FOLH1: variants seen among roughly 807,000 people sequenced by gnomAD.
FOLH1 encodes the protein folate hydrolase 1, also known as glutamate carboxypeptidase 2.
A neutral mutation model predicts 93.9 loss-of-function variants in FOLH1; 54 were observed. The ratio of observed to expected loss-of-function variants is 0.57; its 90% CI spans 0.46 to 0.72. FOLH1 has a LOEUF of 0.72. Among genes scored for constraint, FOLH1 ranks in the 30% least tolerant of loss-of-function variants. FOLH1 has a pLI of 0.00. For synonymous variants in FOLH1, 249 were observed against 303.6 expected, an observed-to-expected ratio of 0.82 and a Z score of 1.87; for missense variants, 571 against 892.5, an observed-to-expected ratio of 0.64 and a Z score of 4.59.
At chr11:49,157,874 A>C in intron 14 of FOLH1, 78 bp downstream of exon 14, 1 of 1,341,554 alleles carries the variant, frequency 7.5e-7, no homozygotes, top group African/African-American at 1.5e-5. Context: ...TTTTCACTTA[A>C]TGATTGAAAG....
intron 4 of FOLH1, 82 bp downstream of exon 4, chr11:49,192,711 T>C (rs1862206116): frequency 8.3e-7 from 1 of 1,200,796 alleles, no homozygotes; most frequent in Non-Finnish European, 1.2e-6. Flanking sequence ...AGTCCCTTTA[T>C]GACCCTTTAA....
intron 13 of FOLH1, among the ~76,000 whole-genome samples, chr11:49,163,972 C>T (rs10839234): frequency 0.49 from 74,593 of 151,894 alleles, 20,767 homozygotes; most frequent in Admixed American, 0.62. Flanking sequence ...GGTGGGCCAT[C>T]GTCCTGCCTT....
intron 6 of FOLH1, among the ~76,000 whole-genome samples, chr11:49,184,688 G>A (rs1474038520): frequency 6.6e-6 from 1 of 152,154 alleles, no homozygotes; most frequent in African/African-American, 2.4e-5. Context: ...CAATTTAAGA[G>A]TAAAACCAGA....
At chr11:49,176,900 C>T (rs566611472) in intron 7 of FOLH1, among the ~76,000 whole-genome samples, 1 of 152,136 alleles carries the variant, frequency 6.6e-6, no homozygotes, top group African/African-American at 2.4e-5. Flanking sequence ...TGATATTATA[C>T]TGAGATGTTT....
intron 13 of FOLH1, among the ~76,000 whole-genome samples, chr11:49,160,267 A>C (rs1297393153): frequency 6.6e-6 from 1 of 151,914 alleles, no homozygotes; most frequent in South Asian, 2.1e-4. Context: ...ATTTTTTTCA[A>C]AAAATCAGCT....
At position 49,173,575 on chromosome 11, in the gene FOLH1, C is replaced by A. The variant is rs577541538; in HGVS notation, c.1106-99G>T. On this transcript the variant is annotated intron_variant, in intron 9 of 18. Transcript: ENST00000256999. ...ATCTAAATACAAAGCACTCACGCCT[C>A]AGAAAAAAAAAAAAGGCTAGGTTCC... The A allele has an allele frequency of 4.5e-4, 297 of 657,404 alleles. 3 individuals carry two copies. The highest frequency in any genetic ancestry group is 1.5e-3 in the Admixed American group (24 of 16,192). The allele number at this position is 657,404 out of a possible 1,614,324, so 40.7% of individuals were successfully genotyped here.
At position 49,208,350 on chromosome 11, in the gene FOLH1, C is replaced by A. The variant is rs1329094176; in HGVS notation, c.60G>T (p.Trp20Cys). Reference sequence around the variant, plus strand: ...CCAGCACCAGCGCCCCAGCGCACAGCCAGCGCGGGCGGCGCGCGGTGGCCA... The same window carrying A: ...CCAGCACCAGCGCCCCAGCGCACAGACAGCGCGGGCGGCGCGCGGTGGCCA... ...SAVATARRPR[W>C]LCAGALVLAG... Residue 20 changes from tryptophan (W) to cysteine (C), a missense_variant, in exon 1 of 19, where the codon TGG becomes TGT. Transcript: ENST00000256999. 1 of 1,600,784 alleles carries A rather than the reference C, an allele frequency of 6.2e-7. No individual in the cohort carries two copies. The highest frequency in any genetic ancestry group is 8.5e-7 in the Non-Finnish European group (1 of 1,172,618).
At chr11:49,185,132 T>C (rs1590620554) in intron 6 of FOLH1, among the ~76,000 whole-genome samples, 1 of 152,198 alleles carries the variant, frequency 6.6e-6, no homozygotes, top group South Asian at 2.1e-4. Flanking sequence ...ATATCCTAAA[T>C]TGGCCATTTA....
chr11:49,165,287 G>A (rs962796639), intron 12 of FOLH1, among the ~76,000 whole-genome samples: 6 of 152,108 alleles, frequency 3.9e-5, no homozygotes, highest in African/African-American at 1.4e-4. Flanking sequence ...TAGACGATAA[G>A]TCCCCTGGGA....
At chr11:49,178,634 C>A (rs1228453109) in intron 7 of FOLH1, among the ~76,000 whole-genome samples, 7 of 152,040 alleles carry the variant, frequency 4.6e-5, no homozygotes, top group African/African-American at 1.4e-4. Flanking sequence ...TCTTTAGGTT[C>A]TCTTTAGAAA....
At chr11:49,167,124 C>A (rs535219491) in intron 12 of FOLH1, among the ~76,000 whole-genome samples, 42 of 152,078 alleles carry the variant, frequency 2.8e-4, no homozygotes, top group Non-Finnish European at 4.6e-4. Flanking sequence ...AGTATTTATT[C>A]TGGGTGGGCA....
chr11:49,191,994 G>A (rs1862106482), intron 4 of FOLH1, among the ~76,000 whole-genome samples: 1 of 152,126 alleles, frequency 6.6e-6, no homozygotes, highest in African/African-American at 2.4e-5. Context: ...TCTTTTCACT[G>A]CTCAATACAT....
At chr11:49,186,094 G>T in intron 5 of FOLH1, 1 of 631,488 alleles carries the variant, frequency 1.6e-6, no homozygotes, top group Non-Finnish European at 2.2e-6. Context: ...GTGAGCATTT[G>T]CTATTTCCTA....
intron 17 of FOLH1, among the ~76,000 whole-genome samples, chr11:49,151,111 T>C (rs1222099567): frequency 2.0e-5 from 3 of 152,350 alleles, no homozygotes; most frequent in East Asian, 1.9e-4. Flanking sequence ...AGGAGATTGA[T>C]ATTGTTCTTT....
chr11:49,160,900 G>T (rs926497866), intron 13 of FOLH1, among the ~76,000 whole-genome samples: 2 of 152,142 alleles, frequency 1.3e-5, no homozygotes, highest in Non-Finnish European at 2.9e-5. Flanking sequence ...ATACCCACAA[G>T]TCATTCAGGA....
intron 3 of FOLH1, among the ~76,000 whole-genome samples, chr11:49,196,079 G>A (rs763946749): frequency 3.3e-5 from 5 of 152,064 alleles, no homozygotes; most frequent in East Asian, 1.9e-4. Context: ...GCTTGAACCC[G>A]GGAGGCGGAG....
intron 4 of FOLH1, among the ~76,000 whole-genome samples, chr11:49,191,092 A>C (rs1009394463): frequency 6.6e-6 from 1 of 152,146 alleles, no homozygotes; most frequent in African/African-American, 2.4e-5. Context: ...GCTCACTGCA[A>C]GCTCCACCTC....
At chr11:49,193,952 G>A (rs1862339896) in intron 3 of FOLH1, among the ~76,000 whole-genome samples, 1 of 151,998 alleles carries the variant, frequency 6.6e-6, no homozygotes, top group African/African-American at 2.4e-5. Flanking sequence ...GAGGTCAGGA[G>A]TTTGAGACCA....
chr11:49,171,895 G>A (rs963236164), intron 10 of FOLH1, among the ~76,000 whole-genome samples: 1 of 152,026 alleles, frequency 6.6e-6, no homozygotes, highest in East Asian at 1.9e-4. Context: ...CACTAGCAGC[G>A]TGACTGAGGG....
Sources: gnomAD v4.1 joint callset for allele counts (sites outside exome capture counted in the v4.1 genomes callset) on GRCh38, gnomAD v4.1.1 for gene constraint, MANE v1.5 for transcripts, NCBI Gene and HGNC (gene_info 2026-07-23, HGNC 2026-07-21) for gene names.